Variants in TENM1 observed in about 807,000 individuals in gnomAD.
The protein encoded by TENM1 is teneurin-1.
TENM1 carries 35 observed loss-of-function variants against 174.8 expected under a neutral mutation model. The observed-to-expected ratio is 0.20, with a 90% CI of 0.15 to 0.27. TENM1 has a LOEUF of 0.27. Ranked by LOEUF, TENM1 falls within the 10% of genes least tolerant of loss-of-function variation. The pLI is 1.00. For synonymous variants in TENM1, 781 were observed against 798.7 expected (o/e 0.98, Z 0.37); for missense variants, 1,633 against 2,130.1 (o/e 0.77, Z 4.59).
At chrX:125,003,911 AAC>A in the TENM1 span, among the ~76,000 whole-genome samples, 1 of 111,700 alleles carries the variant, frequency 9.0e-6, no homozygotes, top group Admixed American at 9.5e-5. Context: ...TCAGGTCATT[AAC>A]ACAGTACACA....
At chrX:124,693,008 C>CA (rs576815327) in intron 5 of TENM1, among the ~76,000 whole-genome samples, 9,671 of 33,012 alleles carry the variant, frequency 0.29, 1,437 homozygotes, top group African/African-American at 0.52. Context: ...AACTCCATCT[C>CA]AAAAAAAAAA....
the TENM1 span, among the ~76,000 whole-genome samples, chrX:125,184,830 C>T: frequency 9.0e-6 from 1 of 111,371 alleles, no homozygotes; most frequent in African/African-American, 3.3e-5. Context: ...GCTTTCTGTG[C>T]CTTAGTTACT....
chrX:125,047,520 A>C, the TENM1 span, among the ~76,000 whole-genome samples: 37 of 111,540 alleles, frequency 3.3e-4, no homozygotes, highest in South Asian at 0.013. Context: ...TTAATTCTTA[A>C]TTCAAATAAT....
At chrX:125,031,087 C>A in the TENM1 span, among the ~76,000 whole-genome samples, 1 of 110,145 alleles carries the variant, frequency 9.1e-6, no homozygotes. Context: ...GAGCAGCTAA[C>A]AGTTTTTTAA....
At chrX:124,561,930 G>C in intron 13 of TENM1, 113 bp from the exon 17 acceptor site, 1 of 756,728 alleles carries the variant, frequency 1.3e-6, no homozygotes, top group Non-Finnish European at 1.9e-6. Context: ...TTCAGATGAG[G>C]TGTTGAATAA....
intron 3 of TENM1, among the ~76,000 whole-genome samples, chrX:124,837,574 G>A (rs2056418034): frequency 1.8e-5 from 2 of 111,856 alleles, no homozygotes; most frequent in Non-Finnish European, 3.8e-5. Context: ...GTGTAAAATG[G>A]TTTATGTTCA....
intron 19 of TENM1, among the ~76,000 whole-genome samples, chrX:124,500,687 T>C (rs1387361149): frequency 8.9e-6 from 1 of 112,065 alleles, no homozygotes; most frequent in Non-Finnish European, 1.9e-5. Context: ...CATTGTATAA[T>C]AAGGTAAGCA....
At chrX:124,674,120 G>C (rs1450845549) in intron 5 of TENM1, among the ~76,000 whole-genome samples, 2 of 109,060 alleles carry the variant, frequency 1.8e-5, no homozygotes, top group Non-Finnish European at 3.8e-5. Flanking sequence ...GAGGATATTA[G>C]AGCTAGAAAA....
chrX:124,450,359 C>CAAAA (rs34309778), intron 23 of TENM1, among the ~76,000 whole-genome samples: 1 of 77,337 alleles, frequency 1.3e-5, no homozygotes. Flanking sequence ...GACTCCGTCT[C>CAAAA]AAAAAAAAAA....
At chrX:124,931,892 C>T (rs2058177495) in intron 1 of TENM1, among the ~76,000 whole-genome samples, 1 of 110,701 alleles carries the variant, frequency 9.0e-6, no homozygotes, top group Admixed American at 9.6e-5. Context: ...CACACACACA[C>T]ACACACGTAC....
At chrX:124,915,795 A>G (rs2057913491) in intron 1 of TENM1, among the ~76,000 whole-genome samples, 1 of 112,177 alleles carries the variant, frequency 8.9e-6, no homozygotes, top group Non-Finnish European at 1.9e-5. Flanking sequence ...TGGCTGGTTT[A>G]AAGGGTTCAT....
chrX:124,432,330 CAG>C (rs1445437146), intron 23 of TENM1, among the ~76,000 whole-genome samples: 1 of 111,902 alleles, frequency 8.9e-6, no homozygotes, highest in African/African-American at 3.3e-5. Flanking sequence ...ATTCCTGTGG[CAG>C]AGACTGCTGG....
intron 4 of TENM1, among the ~76,000 whole-genome samples, chrX:124,735,449 A>T (rs2053648690): frequency 8.9e-6 from 1 of 112,210 alleles, no homozygotes; most frequent in South Asian, 3.7e-4. Context: ...GTCAAAAAAC[A>T]ACAGGTATTG....
chrX:125,117,893 C>G, the TENM1 span, among the ~76,000 whole-genome samples: 5 of 110,865 alleles, frequency 4.5e-5, no homozygotes, highest in African/African-American at 1.3e-4. Context: ...TAAGATAAAT[C>G]ATTATATCAA....
chrX:124,640,441 T>C (rs2050985137), intron 11 of TENM1, among the ~76,000 whole-genome samples: 1 of 112,054 alleles, frequency 8.9e-6, no homozygotes, highest in Non-Finnish European at 1.9e-5. Context: ...TCTTTCCTGC[T>C]TACCACGTCA....
chrX:124,904,530 A>G (rs1184023247), intron 1 of TENM1, among the ~76,000 whole-genome samples: 1 of 112,633 alleles, frequency 8.9e-6, no homozygotes, highest in African/African-American at 3.2e-5. Context: ...AAATTGAAAA[A>G]TTGTTATTTT....
At chrX:124,446,445 G>T (rs763578793) in intron 23 of TENM1, among the ~76,000 whole-genome samples, 1 of 112,505 alleles carries the variant, frequency 8.9e-6, no homozygotes, top group Non-Finnish European at 1.9e-5. Flanking sequence ...TCTATAAGTG[G>T]TAGCAGTTAT....
intron 21 of TENM1, among the ~76,000 whole-genome samples, chrX:124,484,077 T>C (rs1413022916): frequency 8.9e-6 from 1 of 111,839 alleles, no homozygotes; most frequent in Non-Finnish European, 1.9e-5. Context: ...TTTTCTTGTT[T>C]TTGATGACCT....
the TENM1 span, among the ~76,000 whole-genome samples, chrX:125,088,752 C>T: frequency 1.8e-5 from 2 of 110,364 alleles, no homozygotes; most frequent in South Asian, 7.6e-4. Flanking sequence ...ATACAATGTA[C>T]GGTATTTGGG....
Sources: allele counts gnomAD v4.1 joint callset (sites outside exome capture counted in the v4.1 genomes callset), GRCh38; gene constraint gnomAD v4.1.1; transcripts MANE v1.5; gene names NCBI Gene and HGNC (gene_info 2026-07-23, HGNC 2026-07-21).